EPHA5: variants seen among roughly 807,000 people sequenced by gnomAD.
The protein encoded by EPHA5 is EPH receptor A5, also known as ephrin type-A receptor 5.
In EPHA5, 60 loss-of-function variants were observed where a neutral mutation model predicts 105.0. The observed-to-expected ratio is 0.57, with a 90% CI of 0.46 to 0.71. The LOEUF is 0.71. Ranked by LOEUF, EPHA5 falls within the 30% of genes least tolerant of loss-of-function variation. EPHA5 has a pLI of 0.00. For synonymous variants in EPHA5, 513 were observed against 449.1 expected (o/e 1.14, Z -1.80); for missense variants, 1,218 against 1,274.7 (o/e 0.96, Z 0.68).
At chr4:65,434,409 G>A (rs1725283026) in intron 5 of EPHA5, among the ~76,000 whole-genome samples, 1 of 151,928 alleles carries the variant, frequency 6.6e-6, no homozygotes, top group South Asian at 2.1e-4. Context: ...GTCTTCTCAT[G>A]TTCACATTCT....
chr4:65,483,119 T>G (rs1290383259), intron 5 of EPHA5, among the ~76,000 whole-genome samples: 1 of 152,182 alleles, frequency 6.6e-6, no homozygotes, highest in Non-Finnish European at 1.5e-5. Context: ...TGTTTGGTTT[T>G]CTGTCCTTGC....
intron 3 of EPHA5, among the ~76,000 whole-genome samples, chr4:65,575,858 T>C (rs1049287978): frequency 1.3e-5 from 2 of 151,220 alleles, no homozygotes; most frequent in African/African-American, 2.4e-5. Context: ...GCGCCTGTAA[T>C]CCCAGCTACT....
intron 1 of EPHA5, among the ~76,000 whole-genome samples, chr4:65,649,955 TTTTTGTAGA>T (rs1456291532): frequency 6.6e-6 from 1 of 151,714 alleles, no homozygotes; most frequent in African/African-American, 2.4e-5. Context: ...CAATGCCTCA[TTTTTGTAGA>T]TTTCCTTCAC....
intron 5 of EPHA5, among the ~76,000 whole-genome samples, chr4:65,421,591 A>G (rs1723951241): frequency 6.6e-6 from 1 of 152,136 alleles, no homozygotes; most frequent in Non-Finnish European, 1.5e-5. Flanking sequence ...CTAAGTCTTC[A>G]AAGTTCTTCA....
At chr4:65,522,703 G>T (rs1351922673) in intron 3 of EPHA5, among the ~76,000 whole-genome samples, 1 of 151,988 alleles carries the variant, frequency 6.6e-6, no homozygotes, top group African/African-American at 2.4e-5. Flanking sequence ...TTTAGTTCAT[G>T]ATTGATTTAT....
At chr4:65,560,381 C>A (rs1249703114) in intron 3 of EPHA5, among the ~76,000 whole-genome samples, 1 of 151,918 alleles carries the variant, frequency 6.6e-6, no homozygotes, top group Non-Finnish European at 1.5e-5. Flanking sequence ...GCCATTGTCC[C>A]GTATCACAAC....
At chr4:65,538,921 G>C (rs1321355058) in intron 3 of EPHA5, among the ~76,000 whole-genome samples, 1 of 151,656 alleles carries the variant, frequency 6.6e-6, no homozygotes, top group Non-Finnish European at 1.5e-5. Flanking sequence ...GTGATTTAAA[G>C]ACATTCTGCC....
intron 7 of EPHA5, among the ~76,000 whole-genome samples, chr4:65,410,638 A>G (rs1271541721): frequency 6.6e-6 from 1 of 152,182 alleles, no homozygotes; most frequent in Non-Finnish European, 1.5e-5. Context: ...ATCAACGTCA[A>G]ATGTTCTGGT....
intron 8 of EPHA5, among the ~76,000 whole-genome samples, chr4:65,396,601 C>T (rs1325918373): frequency 6.6e-6 from 1 of 152,158 alleles, no homozygotes; most frequent in East Asian, 1.9e-4. Flanking sequence ...AGAGGAAGCA[C>T]TTTCATGTGT....
chr4:65,561,435 A>G (rs549839752), intron 3 of EPHA5, among the ~76,000 whole-genome samples: 3 of 152,174 alleles, frequency 2.0e-5, no homozygotes, highest in South Asian at 2.1e-4. Context: ...CATCATTCAT[A>G]AGCACGGGCA....
chr4:65,401,242 C>T (rs912494091), intron 8 of EPHA5, among the ~76,000 whole-genome samples: 3 of 151,932 alleles, frequency 2.0e-5, no homozygotes, highest in African/African-American at 7.3e-5. Context: ...TTTAGTTTTC[C>T]ATTTATTTAA....
chr4:65,608,568 T>G (rs1744464770), intron 2 of EPHA5, among the ~76,000 whole-genome samples: 1 of 152,030 alleles, frequency 6.6e-6, no homozygotes, highest in African/African-American at 2.4e-5. Flanking sequence ...CACTAAAATT[T>G]GAAATTCAGA....
chr4:65,364,159 ATGTAGT>A (rs1717618720), intron 11 of EPHA5, among the ~76,000 whole-genome samples: 1 of 151,622 alleles, frequency 6.6e-6, no homozygotes, highest in Non-Finnish European at 1.5e-5. Context: ...AAACCCACGT[ATGTAGT>A]TTATTTTATT....
Position 65,348,793 on chromosome 4 carries a change from G to GTATATA in EPHA5, c.2446-596_2446-591dup, listed in dbSNP as rs1553896810. ...TATGTGTGTGCATGTGTGTGTGTGT[G>GTATATA]TATATATATATATATATATATATTT... On this transcript the variant is annotated intron_variant, in intron 13 of 16. Transcript: ENST00000613740. Among the ~76,000 whole-genome samples, 5 of 42,852 alleles carry GTATATA rather than the reference G, an allele frequency of 1.2e-4. 1 individual carries two copies. The highest frequency in any genetic ancestry group is 4.7e-4 in the Admixed American group (1 of 2,138). The allele number at this position is 42,852 out of a possible 152,430, so 28.1% of individuals were successfully genotyped here.
intron 8 of EPHA5, among the ~76,000 whole-genome samples, chr4:65,398,719 T>C (rs534684161): frequency 6.6e-6 from 1 of 152,276 alleles, no homozygotes; most frequent in African/African-American, 2.4e-5. Flanking sequence ...ACTCTGGGTC[T>C]ATTCTCCACT....
chr4:65,562,578 C>T (rs1313363652), intron 3 of EPHA5, among the ~76,000 whole-genome samples: 1 of 151,908 alleles, frequency 6.6e-6, no homozygotes, highest in Non-Finnish European at 1.5e-5. Context: ...AACTGTATAT[C>T]CATGCATGTG....
chr4:65,632,641 A>G (rs1169761023), intron 2 of EPHA5, among the ~76,000 whole-genome samples: 2 of 152,006 alleles, frequency 1.3e-5, no homozygotes, highest in African/African-American at 2.4e-5. Flanking sequence ...GGTAATGCAA[A>G]TTTATATTTG....
intron 5 of EPHA5, among the ~76,000 whole-genome samples, chr4:65,460,372 C>T (rs1460181806): frequency 6.6e-6 from 1 of 151,122 alleles, no homozygotes; most frequent in African/African-American, 2.4e-5. Flanking sequence ...TTCAACTATA[C>T]TATTAAAACA....
At chr4:65,522,626 G>A (rs1028180363) in intron 3 of EPHA5, among the ~76,000 whole-genome samples, 20 of 151,830 alleles carry the variant, frequency 1.3e-4, no homozygotes, top group African/African-American at 4.1e-4. Context: ...AGACCTCTGC[G>A]CTTTCTTAAC....
Sources: allele counts gnomAD v4.1 joint callset (sites outside exome capture counted in the v4.1 genomes callset), GRCh38; gene constraint gnomAD v4.1.1; transcripts MANE v1.5; gene names NCBI Gene and HGNC (gene_info 2026-07-23, HGNC 2026-07-21).